Variants in SLC25A13 observed in about 807,000 individuals in gnomAD.
SLC25A13 encodes solute carrier family 25 member 13.
In SLC25A13, 70 loss-of-function variants were observed where a neutral mutation model predicts 85.5. That is an observed-to-expected ratio of 0.82 (90% CI 0.68 to 1.00). The LOEUF (loss-of-function observed/expected upper bound fraction) is 1.00. Ranked by LOEUF, SLC25A13 falls within the 50% of genes least tolerant of loss-of-function variation. SLC25A13 has a pLI of 0.00. For missense variants in SLC25A13, 765 were observed against 819.8 expected, an observed-to-expected ratio of 0.93 and a Z score of 0.82; for synonymous variants, 259 against 288.7, an observed-to-expected ratio of 0.90 and a Z score of 1.04.
At chr7:96,133,355 T>G (rs1792117528) in intron 14 of SLC25A13, among the ~76,000 whole-genome samples, 1 of 152,236 alleles carries the variant, frequency 6.6e-6, no homozygotes, top group African/African-American at 2.4e-5. Context: ...GCTAGTCATT[T>G]TAGGCACGTA....
At chr7:96,171,854 A>T (rs1286222259) in intron 11 of SLC25A13, among the ~76,000 whole-genome samples, 1 of 152,168 alleles carries the variant, frequency 6.6e-6, no homozygotes, top group African/African-American at 2.4e-5. Context: ...GATTTTCTAA[A>T]ACAAGGACCA....
At chr7:96,260,179 T>C (rs1797799941) in intron 3 of SLC25A13, among the ~76,000 whole-genome samples, 1 of 151,960 alleles carries the variant, frequency 6.6e-6, no homozygotes, top group Non-Finnish European at 1.5e-5. Flanking sequence ...GTTCTGCACA[T>C]GTATCCCAGA....
At chr7:96,129,616 A>C (rs1445984983) in intron 15 of SLC25A13, among the ~76,000 whole-genome samples, 1 of 152,230 alleles carries the variant, frequency 6.6e-6, no homozygotes, top group Non-Finnish European at 1.5e-5. Context: ...TATGTAATAA[A>C]ATTACTATTA....
intron 11 of SLC25A13, among the ~76,000 whole-genome samples, chr7:96,174,080 A>C (rs1415929218): frequency 6.6e-6 from 1 of 152,196 alleles, no homozygotes; most frequent in Non-Finnish European, 1.5e-5. Context: ...AAAGGAATAG[A>C]GATTAAAAAG....
At chr7:96,255,907 T>C (rs894107009) in intron 3 of SLC25A13, among the ~76,000 whole-genome samples, 11 of 151,924 alleles carry the variant, frequency 7.2e-5, no homozygotes, top group Non-Finnish European at 1.5e-4. Flanking sequence ...CAGAAGAGAG[T>C]AGGGGCCAAT....
chr7:96,250,739 C>CAAAAAAAAAAAAAA (rs57574466), intron 3 of SLC25A13, among the ~76,000 whole-genome samples: 3 of 118,360 alleles, frequency 2.5e-5, no homozygotes, highest in African/African-American at 9.7e-5. Flanking sequence ...AGACCTGTTA[C>CAAAAAAAAAAAAAA]AAAAAAAAAA....
chr7:96,281,482 C>A (rs1387070841), intron 2 of SLC25A13, among the ~76,000 whole-genome samples: 3 of 151,838 alleles, frequency 2.0e-5, no homozygotes, highest in Non-Finnish European at 4.4e-5. Context: ...ATAAGAAAAC[C>A]TAGCGTATAA....
At chr7:96,160,365 C>T (rs1012334263) in intron 13 of SLC25A13, among the ~76,000 whole-genome samples, 1 of 152,168 alleles carries the variant, frequency 6.6e-6, no homozygotes, top group African/African-American at 2.4e-5. Context: ...TGAAGGCAGC[C>T]CTTAGCCAGG....
chr7:96,176,142 A>C (rs1326087359), intron 11 of SLC25A13, among the ~76,000 whole-genome samples: 1 of 152,224 alleles, frequency 6.6e-6, no homozygotes. Flanking sequence ...CCTCAGAGGG[A>C]GGAGAGGTAG....
At position 96,239,037 on chromosome 7, in the gene SLC25A13, T is replaced by TTATATATA. The variant is rs58990918; in HGVS notation, c.213-4128_213-4121dup. Among the ~76,000 whole-genome samples, 114 of 130,862 alleles carry TTATATATA rather than the reference T, an allele frequency of 8.7e-4. 2 individuals are homozygous for TTATATATA. Among genetic ancestry groups the TTATATATA allele is most frequent in the Middle Eastern group, 4.0e-3 (1 of 250 alleles). The allele number at this position is 130,862 out of a possible 152,430, so 85.9% of individuals were successfully genotyped here. ...TATATTATATATATGACTATATATT[T>TTATATATA]TATATATATATATATATATATATAT... is the stretch of plus-strand genomic sequence containing the variant. On this transcript the variant is annotated intron_variant, in intron 3 of 17. Coordinates refer to ENST00000265631, the MANE Select transcript of SLC25A13 (RefSeq NM_014251.3).
At chr7:96,188,373 G>A (rs1584429224) in intron 9 of SLC25A13, among the ~76,000 whole-genome samples, 1 of 152,172 alleles carries the variant, frequency 6.6e-6, no homozygotes, top group Admixed American at 6.5e-5. Context: ...GGGTGGGAAA[G>A]AGCTAAAAGA....
intron 5 of SLC25A13, among the ~76,000 whole-genome samples, chr7:96,193,992 C>A (rs1171035497): frequency 6.6e-6 from 1 of 152,144 alleles, no homozygotes; most frequent in African/African-American, 2.4e-5. Context: ...AGTGTGTACA[C>A]AAAAGAAAAC....
chr7:96,295,856 GTTA>G (rs1391891143), intron 2 of SLC25A13, among the ~76,000 whole-genome samples: 14 of 150,524 alleles, frequency 9.3e-5, no homozygotes, highest in Admixed American at 3.3e-4. Flanking sequence ...ATTAATATAT[GTTA>G]TTAATAATAT....
At chr7:96,128,939 G>GCTCTCTCGCTCTCTCTCTCT (rs1791871399) in intron 15 of SLC25A13, among the ~76,000 whole-genome samples, 1 of 81,900 alleles carries the variant, frequency 1.2e-5, no homozygotes, top group African/African-American at 4.3e-5. Context: ...TGCCTTGCTT[G>GCTCTCTCGCTCTCTCTCTCT]CTCTCTCTCT....
At chr7:96,239,909 G>A (rs552080112) in intron 3 of SLC25A13, among the ~76,000 whole-genome samples, 11 of 152,150 alleles carry the variant, frequency 7.2e-5, no homozygotes, top group Admixed American at 1.3e-4. Flanking sequence ...AAAGCACTGC[G>A]TAGTACTATA....
chr7:96,172,355 C>T (rs1301452987), intron 11 of SLC25A13, among the ~76,000 whole-genome samples: 1 of 152,000 alleles, frequency 6.6e-6, no homozygotes, highest in Admixed American at 6.6e-5. Flanking sequence ...GTCAGGAGTT[C>T]GAGACCAGCC....
intron 4 of SLC25A13, among the ~76,000 whole-genome samples, chr7:96,211,226 G>A (rs535792305): frequency 7.9e-5 from 12 of 152,062 alleles, no homozygotes; most frequent in Non-Finnish European, 8.8e-5. Flanking sequence ...ATTTGAATCC[G>A]AAACTCTAAA....
chr7:96,196,292 G>C (rs1795059987), intron 5 of SLC25A13, among the ~76,000 whole-genome samples: 1 of 152,158 alleles, frequency 6.6e-6, no homozygotes, highest in South Asian at 2.1e-4. Flanking sequence ...GCTAAGCCAA[G>C]ACTACTCTCA....
intron 9 of SLC25A13, among the ~76,000 whole-genome samples, chr7:96,185,372 C>A (rs964062098): frequency 2.0e-5 from 3 of 147,944 alleles, no homozygotes; most frequent in Admixed American, 6.7e-5. Flanking sequence ...CTGAGGCGGG[C>A]GGATTACCTG....
Sources: allele counts gnomAD v4.1 joint callset (sites outside exome capture counted in the v4.1 genomes callset), GRCh38; gene constraint gnomAD v4.1.1; transcripts MANE v1.5; gene names NCBI Gene and HGNC (gene_info 2026-07-23, HGNC 2026-07-21).